The following MED13L variants were observed in gnomAD, a reference collection of about 807,000 sequenced individuals.
MED13L encodes the protein mediator complex subunit 13L.
Under a neutral mutation model 220.9 loss-of-function variants are expected in MED13L, and 7 were observed. The observed-to-expected ratio is 0.03, with a 90% confidence interval of 0.02 to 0.06. The LOEUF (loss-of-function observed/expected upper bound fraction) is 0.06, where lower values mean the gene tolerates loss of function less well. MED13L is among the 10% of genes least tolerant of loss of function. MED13L has a pLI of 1.00. For missense variants in MED13L, 1,965 were observed against 2,760.5 expected (o/e 0.71, Z 6.46); for synonymous variants, 1,011 against 1,015.2 (o/e 1.00, Z 0.08).
intron 2 of MED13L, among the ~76,000 whole-genome samples, chr12:116,223,822 A>G (rs1480674882): frequency 4.6e-5 from 7 of 152,192 alleles, no homozygotes; most frequent in Non-Finnish European, 7.4e-5. Context: ...ATGTGGCCAC[A>G]TCTCTCCTTA....
intron 1 of MED13L, among the ~76,000 whole-genome samples, chr12:116,274,430 A>C (rs905070788): frequency 6.4e-4 from 97 of 151,596 alleles, no homozygotes; most frequent in African/African-American, 2.1e-3. Context: ...AAAACAAAAA[A>C]AAAAAAAACC....
In MED13L at chr12:116,218,780, C is replaced by T. The variant is rs189598123; in HGVS notation, c.310+18688G>A. Among the ~76,000 whole-genome samples, 207 of 152,040 alleles carry T rather than the reference C, an allele frequency of 1.4e-3. 1 individual carries two copies. The highest frequency in any genetic ancestry group is 2.4e-4 in the Non-Finnish European group (16 of 67,972). On this transcript the variant is annotated intron_variant, in intron 2 of 30. Coordinates refer to ENST00000281928, the MANE Select transcript of MED13L (RefSeq NM_015335.5). The stretch of plus-strand genomic sequence containing the variant: ...ACAAGGTCTTGCTCTGTCACCCAGG[C>T]TGGAGTGCAGTGGTGCAATCTCAGC...
At chr12:116,116,513 A>G (rs1357241156) in intron 2 of MED13L, among the ~76,000 whole-genome samples, 1 of 152,058 alleles carries the variant, frequency 6.6e-6, no homozygotes, top group Non-Finnish European at 1.5e-5. Context: ...ACCCTTTGTA[A>G]TAAACCAGTA....
intron 17 of MED13L, 144 bp downstream of exon 17, chr12:115,990,876 C>A (rs1175900462): frequency 2.5e-6 from 2 of 810,508 alleles, no homozygotes; most frequent in Non-Finnish European, 4.0e-6. Flanking sequence ...AGGATAAAAT[C>A]AATACAGCTC....
At chr12:116,176,991 C>T (rs1204620181) in intron 2 of MED13L, among the ~76,000 whole-genome samples, 1 of 150,968 alleles carries the variant, frequency 6.6e-6, no homozygotes, top group Non-Finnish European at 1.5e-5. Flanking sequence ...ACTGCAATAA[C>T]TTGGTTAAAT....
chr12:116,130,143 T>TTA (rs1001256432), intron 2 of MED13L, among the ~76,000 whole-genome samples: 3 of 152,172 alleles, frequency 2.0e-5, no homozygotes, highest in African/African-American at 7.2e-5. Context: ...ACATTTTTGA[T>TTA]TAACTATGAA....
intron 2 of MED13L, among the ~76,000 whole-genome samples, chr12:116,147,315 T>C (rs958544445): frequency 6.6e-6 from 1 of 152,230 alleles, no homozygotes; most frequent in Non-Finnish European, 1.5e-5. Flanking sequence ...TTGTATAATT[T>C]GGCAACATTA....
intron 3 of MED13L, among the ~76,000 whole-genome samples, chr12:116,110,892 GA>G (rs1024852268): frequency 4.6e-5 from 7 of 151,026 alleles, no homozygotes; most frequent in Non-Finnish European, 7.4e-5. Flanking sequence ...TGTCAAGAAA[GA>G]AAAAAAAGGC....
At chr12:116,041,568 G>C (rs1212947320) in intron 4 of MED13L, among the ~76,000 whole-genome samples, 1 of 152,204 alleles carries the variant, frequency 6.6e-6, no homozygotes, top group Non-Finnish European at 1.5e-5. Flanking sequence ...TGCAAGGCTG[G>C]GCGCGGTGGC....
intron 2 of MED13L, among the ~76,000 whole-genome samples, chr12:116,172,461 C>T (rs374200797): frequency 5.1e-4 from 77 of 152,302 alleles, no homozygotes; most frequent in Middle Eastern, 3.4e-3. Flanking sequence ...CCAGGTTTCA[C>T]TCTCTAGAAA....
chr12:116,229,116 T>C (rs1869297031), intron 2 of MED13L, among the ~76,000 whole-genome samples: 1 of 152,086 alleles, frequency 6.6e-6, no homozygotes, highest in South Asian at 2.1e-4. Flanking sequence ...TCTATGAAAG[T>C]ACAAGCTTTT....
At chr12:116,070,572 T>C (rs916296558) in intron 4 of MED13L, among the ~76,000 whole-genome samples, 1 of 152,168 alleles carries the variant, frequency 6.6e-6, no homozygotes, top group African/African-American at 2.4e-5. Context: ...TTCAGGCTCT[T>C]TAGCACCACA....
intron 4 of MED13L, among the ~76,000 whole-genome samples, chr12:116,034,952 C>T (rs532142623): frequency 7.4e-4 from 112 of 152,250 alleles, no homozygotes; most frequent in African/African-American, 2.6e-3. Context: ...TTGCAGTGAG[C>T]CGAGATCGCG....
At chr12:116,047,233 A>G (rs1178749368) in intron 4 of MED13L, among the ~76,000 whole-genome samples, 1 of 152,108 alleles carries the variant, frequency 6.6e-6, no homozygotes, top group Non-Finnish European at 1.5e-5. Flanking sequence ...GCATGCTAGT[A>G]ACCCTAGCTA....
At chr12:116,069,977 G>A (rs1314794421) in intron 4 of MED13L, among the ~76,000 whole-genome samples, 2 of 152,138 alleles carry the variant, frequency 1.3e-5, no homozygotes, top group African/African-American at 2.4e-5. Context: ...AAGCATTTTG[G>A]ATAAAGAGTA....
Position 115,991,725 on chromosome 12 carries a change from T to G in MED13L, c.3229A>C (p.Thr1077Pro), listed in dbSNP as rs1592924207. 1 of 1,613,836 alleles carries G rather than the reference T, an allele frequency of 6.2e-7. No individual in the cohort carries two copies. Among genetic ancestry groups the G allele is most frequent in the Non-Finnish European group, 8.5e-7 (1 of 1,179,892 alleles). The change falls in exon 17 of 31, where the codon ACC becomes CCC. Residue 1077 changes from threonine (T) to proline (P), a missense_variant. Thr to Pro is a conservative substitution (Grantham distance 38). Transcript: ENST00000281928. This position sits in a 1 kb window ranked among gnomAD's most constrained non-coding sequence, Gnocchi z 7.7. Reference sequence around the variant, plus strand: ...GTGGAGGCTGGTGATCCTTGATCGGTGCTATCATACTTAACAGACCCTTGA... The same window carrying G: ...GTGGAGGCTGGTGATCCTTGATCGGGGCTATCATACTTAACAGACCCTTGA... ...SGQGSVKYDS[T>P]DQGSPASTPS...
At chr12:116,214,418 C>A (rs890826355) in intron 2 of MED13L, among the ~76,000 whole-genome samples, 1 of 151,998 alleles carries the variant, frequency 6.6e-6, no homozygotes, top group East Asian at 1.9e-4. Context: ...TCTCTCTTCA[C>A]TTAGACAAAA....
At chr12:116,207,072 C>T (rs1882380339) in intron 2 of MED13L, among the ~76,000 whole-genome samples, 1 of 151,866 alleles carries the variant, frequency 6.6e-6, no homozygotes, top group African/African-American at 2.4e-5. Context: ...AGTCATATGC[C>T]GCCATGATGA....
intron 4 of MED13L, among the ~76,000 whole-genome samples, chr12:116,026,219 T>C (rs1880385025): frequency 6.6e-6 from 1 of 152,152 alleles, no homozygotes; most frequent in Non-Finnish European, 1.5e-5. Flanking sequence ...AATTTAAGGA[T>C]TGGTTTTAGA....
Sources: allele counts gnomAD v4.1 joint callset (sites outside exome capture counted in the v4.1 genomes callset), GRCh38; gene constraint gnomAD v4.1.1; non-coding constraint Gnocchi (gnomAD v3.1); transcripts MANE v1.5; gene names NCBI Gene and HGNC (gene_info 2026-07-23, HGNC 2026-07-21).